The following ATXN2 variants were observed in gnomAD, a reference collection of about 807,000 sequenced individuals.
The protein encoded by ATXN2 is ataxin 2.
Under a neutral mutation model 138.6 loss-of-function variants are expected in ATXN2, and 37 were observed. The observed-to-expected ratio is 0.27, with a 90% CI of 0.21 to 0.35. The LOEUF is 0.35. Among genes scored for constraint, ATXN2 ranks in the 10% least tolerant of loss-of-function variants. The pLI, the probability that ATXN2 is intolerant of heterozygous loss-of-function variation, is 1.00. For missense variants in ATXN2, 1,216 were observed against 1,480.3 expected, an observed-to-expected ratio of 0.82 and a Z score of 2.93; for synonymous variants, 549 against 543.7, an observed-to-expected ratio of 1.01 and a Z score of -0.13.
intron 5 of ATXN2, among the ~76,000 whole-genome samples, chr12:111,526,993 C>G (rs1880540270): frequency 6.6e-6 from 1 of 152,208 alleles, no homozygotes; most frequent in African/African-American, 2.4e-5. Context: ...CCTATTAACA[C>G]ACTCTCACTT....
intron 18 of ATXN2, among the ~76,000 whole-genome samples, chr12:111,475,083 G>C (rs550534708): frequency 3.9e-5 from 6 of 152,174 alleles, no homozygotes; most frequent in African/African-American, 1.2e-4. Context: ...GTGTGGTGGC[G>C]GGCGAATGTA....
intron 18 of ATXN2, among the ~76,000 whole-genome samples, chr12:111,478,610 G>A (rs928250248): frequency 2.6e-5 from 4 of 152,126 alleles, no homozygotes; most frequent in African/African-American, 9.7e-5. Flanking sequence ...CCAAGTGTTG[G>A]CAAGGATGCA....
intron 1 of ATXN2, among the ~76,000 whole-genome samples, chr12:111,576,435 A>G: frequency 6.6e-6 from 1 of 152,102 alleles, no homozygotes; most frequent in East Asian, 1.9e-4. Flanking sequence ...ACAGAGTGAG[A>G]CTCCATCTCA....
chr12:111,457,621 G>A (rs970169795), intron 21 of ATXN2: 3 of 297,516 alleles, frequency 1.0e-5, no homozygotes, highest in African/African-American at 2.2e-5. Context: ...TACTCTTAAC[G>A]GTCACTAGGT....
rs186724833 is a variant in ATXN2 at position 111,506,250 on chromosome 12, G to A, written c.1935+3299C>T. Among the ~76,000 whole-genome samples the A allele has an allele frequency of 1.2e-3, 178 of 152,234 alleles. 1 individual carries two copies. Among genetic ancestry groups the A allele is most frequent in the South Asian group, 5.0e-3 (24 of 4,826 alleles). ...GTGGAACGACTGCTAAACTGGGCAC[G>A]GGGTTTCTTTTGGGGGTGAAGAGTA... On this transcript the variant is annotated intron_variant, in intron 14 of 24. Coordinates refer to ENST00000673436, the MANE Select transcript of ATXN2 (RefSeq NM_001372574.1).
intron 23 of ATXN2, chr12:111,454,973 G>A (rs1462706364): frequency 1.0e-5 from 7 of 697,692 alleles, no homozygotes; most frequent in East Asian, 5.4e-5. Context: ...ACTGCAGTGC[G>A]CTACACCACA....
rs143848792 is a variant in ATXN2, at chr12:111,453,962, G to A, written c.3271-117C>T. The A allele has an allele frequency of 1.4e-4, 138 of 999,644 alleles. No individual in the cohort carries two copies. In the African/African-American group the frequency reaches 2.1e-3, roughly 15 times the overall value. 61.9% of individuals were successfully genotyped at this position (999,644 alleles called of 1,614,324 possible). On this transcript the variant is annotated intron_variant, in intron 23 of 24. Coordinates refer to ENST00000673436, the MANE Select transcript of ATXN2 (RefSeq NM_001372574.1). This position sits in a 1 kb window ranked among gnomAD's most constrained non-coding sequence, Gnocchi z 5.4. ...GGAAAGGGCAACGGTGGGCCTCAGGGCCCAGTTCTGTTCTCTGGGGACAAT... is the reference window on the plus strand; with the variant it reads ...GGAAAGGGCAACGGTGGGCCTCAGGACCCAGTTCTGTTCTCTGGGGACAAT...
intron 21 of ATXN2, among the ~76,000 whole-genome samples, chr12:111,460,304 C>A (rs955385995): frequency 6.6e-6 from 1 of 152,166 alleles, no homozygotes; most frequent in African/African-American, 2.4e-5. Context: ...GAACTCCTGA[C>A]CTCAGGTGAT....
chr12:111,492,073 C>G (rs1423602907), intron 14 of ATXN2, among the ~76,000 whole-genome samples: 4 of 152,188 alleles, frequency 2.6e-5, no homozygotes, highest in Admixed American at 2.6e-4. Context: ...CAGAAAATAG[C>G]TGCCACAGGC....
In ATXN2 at chr12:111,598,229, G is replaced by C. The variant is rs1354514077; in HGVS notation, c.251+555C>G. ...CCAGGACTCGGAGGGGGCGGGGAGA[G>C]AGCCCCGACAGACCCTGATGATTCC... On this transcript the variant is annotated intron_variant, in intron 1 of 24. Coordinates refer to ENST00000673436, the MANE Select transcript of ATXN2 (RefSeq NM_001372574.1). The surrounding 1 kb of genome is among the most constrained non-coding windows in gnomAD (Gnocchi z 4.5). 19 of 1,046,998 alleles carry C rather than the reference G, an allele frequency of 1.8e-5. No individual in the cohort carries two copies. The highest frequency in any genetic ancestry group is 8.4e-5 in the East Asian group (1 of 11,906). 64.9% of individuals were successfully genotyped at this position (1,046,998 alleles called of 1,614,324 possible).
chr12:111,516,205 G>A lies in ATXN2; in HGVS notation c.1324C>T (p.His442Tyr). ...GTAGAGACAGGAGCTGGAGAACCAT[G>A]AGCAGAGGGGTGAGACGGGGGTCTG... Reference protein sequence around the residue: ...PSRPPSHPSAHGSPAPVSTMP... With the variant: ...PSRPPSHPSAYGSPAPVSTMP... Residue 442 changes from histidine (H) to tyrosine (Y), a missense_variant, in exon 10 of 25, where the codon CAT (histidine) becomes TAT (tyrosine). Transcript: ENST00000673436. This position sits in a 1 kb window ranked among gnomAD's most constrained non-coding sequence, Gnocchi z 5.0. 1.3e-6 allele frequency: 2 copies of A among 1,582,670 alleles called. No homozygotes were observed. Among genetic ancestry groups the A allele is most frequent in the African/African-American group, 1.4e-5 (1 of 73,138 alleles).
intron 12 of ATXN2, among the ~76,000 whole-genome samples, 171 bp downstream of exon 12, chr12:111,510,214 A>G (rs1335506118): frequency 6.6e-6 from 1 of 152,226 alleles, no homozygotes; most frequent in Non-Finnish European, 1.5e-5. Context: ...CACAGACACT[A>G]TATTAAATTA....
intron 5 of ATXN2, among the ~76,000 whole-genome samples, chr12:111,528,998 G>A (rs7305546): frequency 0.1 from 15,287 of 151,898 alleles, 2,571 homozygotes; most frequent in African/African-American, 0.35. Flanking sequence ...TTCAGAGATG[G>A]GGTCTTTGTC....
At chr12:111,553,361 C>A (rs1882217009) in intron 3 of ATXN2, among the ~76,000 whole-genome samples, 1 of 151,994 alleles carries the variant, frequency 6.6e-6, no homozygotes, top group Non-Finnish European at 1.5e-5. Context: ...TACCGAATTA[C>A]ATAATACTTA....
intron 18 of ATXN2, among the ~76,000 whole-genome samples, chr12:111,476,337 C>T (rs986999367): frequency 2.0e-5 from 3 of 152,038 alleles, no homozygotes; most frequent in Non-Finnish European, 4.4e-5. Context: ...CCCACCTCTG[C>T]AAATTAGGAA....
chr12:111,544,834 AGG>A (rs1313952863), intron 5 of ATXN2, among the ~76,000 whole-genome samples: 1 of 152,234 alleles, frequency 6.6e-6, no homozygotes, highest in Admixed American at 6.5e-5. Flanking sequence ...AGCCTTAGGC[AGG>A]ATAATGGCTA....
intron 1 of ATXN2, chr12:111,581,539 GC>G: frequency 2.0e-6 from 2 of 993,604 alleles, no homozygotes; most frequent in Non-Finnish European, 3.2e-6. Flanking sequence ...AGAACTCCGT[GC>G]CCGACCATGT....
At chr12:111,458,775 G>A (rs540290187) in intron 21 of ATXN2, among the ~76,000 whole-genome samples, 1 of 152,348 alleles carries the variant, frequency 6.6e-6, no homozygotes, top group African/African-American at 2.4e-5. Context: ...AGTTCCAGCA[G>A]TCTGGTAGGC....
chr12:111,557,412 A>C (rs12301021), intron 1 of ATXN2, among the ~76,000 whole-genome samples: 15,297 of 152,206 alleles, frequency 0.1, 2,568 homozygotes, highest in African/African-American at 0.35. Flanking sequence ...CATTTCTAAC[A>C]TTCTAATTCT....
Sources: allele counts gnomAD v4.1 joint callset (sites outside exome capture counted in the v4.1 genomes callset), GRCh38; gene constraint gnomAD v4.1.1; non-coding constraint Gnocchi (gnomAD v3.1); transcripts MANE v1.5; gene names NCBI Gene and HGNC (gene_info 2026-07-23, HGNC 2026-07-21).